ARHGAP26: variants seen among roughly 807,000 people sequenced by gnomAD.
ARHGAP26 encodes the protein rho GTPase-activating protein 26.
Under a neutral mutation model 104.8 loss-of-function variants are expected in ARHGAP26, and 38 were observed. That is an observed-to-expected ratio of 0.36 (90% CI 0.28 to 0.48). ARHGAP26 has a LOEUF of 0.48. ARHGAP26 is among the 20% of genes least tolerant of loss of function. The pLI, the probability that ARHGAP26 is intolerant of heterozygous loss-of-function variation, is 0.99. For missense variants in ARHGAP26, 704 were observed against 947.9 expected, an observed-to-expected ratio of 0.74 and a Z score of 3.38; for synonymous variants, 341 against 340.0, an observed-to-expected ratio of 1.00 and a Z score of -0.03.
At chr5:143,202,461 A>G (rs1461271439) in intron 20 of ARHGAP26, 1 of 152,208 alleles carries the variant, frequency 6.6e-6, no homozygotes, top group Non-Finnish European at 1.5e-5. Flanking sequence ...GGATAGGAAG[A>G]ATCAGTATCA....
intron 19 of ARHGAP26, among the ~76,000 whole-genome samples, chr5:143,134,690 G>A (rs192962303): frequency 2.0e-5 from 3 of 152,264 alleles, no homozygotes; most frequent in East Asian, 3.9e-4. Flanking sequence ...TATCACATCC[G>A]TTTTTCATCT....
intron 17 of ARHGAP26, among the ~76,000 whole-genome samples, chr5:143,106,495 T>C (rs2150673646): frequency 1.2e-5 from 1 of 81,024 alleles, no homozygotes. Flanking sequence ...TTTTTTGAGG[T>C]GATGTCTCAA....
chr5:143,159,484 G>C (rs1256777634), intron 20 of ARHGAP26, among the ~76,000 whole-genome samples: 1 of 152,172 alleles, frequency 6.6e-6, no homozygotes, highest in East Asian at 1.9e-4. Flanking sequence ...TGCCTTCAAA[G>C]GCACATTAAA....
chr5:143,005,603 C>T (rs758867296), intron 11 of ARHGAP26, among the ~76,000 whole-genome samples: 2 of 152,182 alleles, frequency 1.3e-5, no homozygotes, highest in African/African-American at 2.4e-5. Flanking sequence ...GTAGTATTCA[C>T]GGGTGTCCAG....
chr5:143,112,439 T>C (rs1794890722), intron 17 of ARHGAP26, among the ~76,000 whole-genome samples: 1 of 151,612 alleles, frequency 6.6e-6, no homozygotes, highest in South Asian at 2.1e-4. Flanking sequence ...CCAAGGGTTT[T>C]CTTTAAGAAA....
chr5:142,975,321 C>T (rs1772904240), intron 11 of ARHGAP26, among the ~76,000 whole-genome samples: 1 of 152,010 alleles, frequency 6.6e-6, no homozygotes, highest in Non-Finnish European at 1.5e-5. Flanking sequence ...TTTCAAGAAT[C>T]TTTGGGACTC....
chr5:142,871,250 C>G lies in ARHGAP26; in HGVS notation c.155-2150C>G, dbSNP rs1178808942. 6.6e-6 allele frequency among the ~76,000 whole-genome samples: 1 copy of G among 152,204 alleles called. No homozygotes were observed. The highest frequency in any genetic ancestry group is 1.5e-5 in the Non-Finnish European group (1 of 68,042). ...TGGTCATAAGCTAACAGGCCCTGCC[C>G]TGGTTCAATGGGTGCCCCTGTGCAG... On this transcript the variant is annotated intron_variant, in intron 1 of 22. Transcript: ENST00000645722. The surrounding 1 kb of genome is among the most constrained non-coding windows in gnomAD (Gnocchi z 4.1).
chr5:142,907,685 G>T lies in ARHGAP26; in HGVS notation c.833-19G>T. On this transcript the variant is annotated intron_variant, in intron 8 of 22. Transcript: ENST00000645722. ...ACAGTGGAATGTATAGATATTTTAT[G>T]GGAAATATTACCTTTCAGGTCACTT... 6.5e-7 allele frequency: 1 copy of T among 1,550,174 alleles called. No individual in the cohort carries two copies. The highest frequency in any genetic ancestry group is 1.2e-5 in the South Asian group (1 of 86,126).
rs192448485 is a variant in ARHGAP26 at position 142,803,655 on chromosome 5, G to A, written c.154+32740G>A. Among the ~76,000 whole-genome samples, 45 of 152,300 alleles carry A rather than the reference G, an allele frequency of 3.0e-4. No individual in the cohort carries two copies. The East Asian group carries it at 7.5e-3, about 25-fold the overall frequency. On this transcript the variant is annotated intron_variant, in intron 1 of 22. Transcript: ENST00000645722. ...GAGGATGTTGGGAATGGAATCATAA[G>A]AATCCTCCTGCAGCACGTCAGCAGT... is the stretch of plus-strand genomic sequence containing the variant.
chr5:142,851,096 ATTTT>A (rs570143559), intron 1 of ARHGAP26, among the ~76,000 whole-genome samples: 1 of 143,440 alleles, frequency 7.0e-6, no homozygotes, highest in Non-Finnish European at 1.5e-5. Flanking sequence ...TGGAAAATAC[ATTTT>A]TTTTTTTTTT....
At chr5:143,186,812 C>T (rs1162339080) in intron 20 of ARHGAP26, among the ~76,000 whole-genome samples, 1 of 152,198 alleles carries the variant, frequency 6.6e-6, no homozygotes, top group Admixed American at 6.5e-5. Context: ...AGGAAGTAAT[C>T]CTAGAATGAA....
At chr5:142,827,583 G>A (rs1304983071) in intron 1 of ARHGAP26, among the ~76,000 whole-genome samples, 1 of 152,182 alleles carries the variant, frequency 6.6e-6, no homozygotes, top group African/African-American at 2.4e-5. Context: ...ATGACCTGGG[G>A]TTTAGTCCTT....
Position 142,873,512 on chromosome 5 carries a change from C to T in ARHGAP26, c.250+17C>T. On this transcript the variant is annotated intron_variant, in intron 2 of 22. Transcript: ENST00000645722. ...TGTGTATAGGTAAGTCATAACTGTG[C>T]AGAAGATAAAAATGTTCATTGTTTG... 10 of 1,494,824 alleles carry T rather than the reference C, an allele frequency of 6.7e-6. No homozygotes were observed. The highest frequency in any genetic ancestry group is 9.0e-6 in the Non-Finnish European group (10 of 1,113,208). 92.6% of individuals were successfully genotyped at this position (1,494,824 alleles called of 1,614,324 possible).
chr5:142,969,432 A>C (rs760108902), intron 11 of ARHGAP26: 8 of 152,222 alleles, frequency 5.3e-5, no homozygotes, highest in Non-Finnish European at 1.2e-4. Context: ...GCCGTTGATC[A>C]GTCCCAATGG....
intron 1 of ARHGAP26, among the ~76,000 whole-genome samples, chr5:142,867,288 G>GGTGTGT (rs70991782): frequency 0.056 from 8,083 of 143,640 alleles, 419 homozygotes; most frequent in African/African-American, 0.13. Context: ...ATTTGCACAG[G>GGTGTGT]GTGTGTGTGT....
intron 20 of ARHGAP26, among the ~76,000 whole-genome samples, chr5:143,166,709 T>G (rs529858174): frequency 5.3e-4 from 80 of 152,324 alleles, no homozygotes; most frequent in African/African-American, 1.8e-3. Flanking sequence ...ACTGGAGACC[T>G]TGAGGCAGGG....
At chr5:142,772,328 C>T (rs79625518) in intron 1 of ARHGAP26, among the ~76,000 whole-genome samples, 6,701 of 152,206 alleles carry the variant, frequency 0.044, 278 homozygotes, top group African/African-American at 0.11. Context: ...ATGAACAGAC[C>T]CTTCCTTTGT....
At chr5:142,902,471 C>A (rs1453990738) in intron 7 of ARHGAP26, among the ~76,000 whole-genome samples, 1 of 152,182 alleles carries the variant, frequency 6.6e-6, no homozygotes, top group Non-Finnish European at 1.5e-5. Context: ...GTTCTCTTGT[C>A]CAACTCTTAG....
intron 1 of ARHGAP26, among the ~76,000 whole-genome samples, chr5:142,834,406 T>C (rs1769142085): frequency 1.3e-5 from 2 of 152,260 alleles, no homozygotes; most frequent in Admixed American, 1.3e-4. Context: ...TTAATCATTT[T>C]GGAAACTTAT....
Sources: allele counts gnomAD v4.1 joint callset (sites outside exome capture counted in the v4.1 genomes callset), GRCh38; gene constraint gnomAD v4.1.1; non-coding constraint Gnocchi (gnomAD v3.1); transcripts MANE v1.5; gene names NCBI Gene and HGNC (gene_info 2026-07-23, HGNC 2026-07-21).